The following RNF4 variants were observed in gnomAD, a reference collection of about 807,000 sequenced individuals.
The protein encoded by RNF4 is ring finger protein 4, also known as E3 ubiquitin-protein ligase RNF4.
In RNF4, 7 loss-of-function variants were observed where a neutral mutation model predicts 24.3. The ratio of observed to expected loss-of-function variants is 0.29; its 90% CI spans 0.16 to 0.54. RNF4 has a LOEUF of 0.54. Ranked by LOEUF, RNF4 falls within the 20% of genes least tolerant of loss-of-function variation. The probability of loss-of-function intolerance (pLI) is 0.95; values close to 1 mark genes in which losing one functional copy is unlikely to be tolerated. For synonymous variants in RNF4, 83 were observed against 84.3 expected (o/e 0.98, Z 0.09); for missense variants, 209 against 248.5 (o/e 0.84, Z 1.07).
intron 1 of RNF4, among the ~76,000 whole-genome samples, chr4:2,486,202 T>C (rs959171884): frequency 1.3e-5 from 2 of 152,112 alleles, no homozygotes; most frequent in South Asian, 2.1e-4. Context: ...TGTGGTGATA[T>C]TAATATTTAG....
chr4:2,495,713 T>TA (rs1735716260), intron 2 of RNF4, among the ~76,000 whole-genome samples: 1 of 151,568 alleles, frequency 6.6e-6, no homozygotes, highest in African/African-American at 2.4e-5. Context: ...GCTCACCGCA[T>TA]CCTCCACCTC....
At chr4:2,500,849 A>AAAG in intron 4 of RNF4, 111 bp downstream of exon 4, 1 of 932,560 alleles carries the variant, frequency 1.1e-6, no homozygotes. Context: ...AGCTTATGCT[A>AAAG]AAGAAGTTCA....
At chr4:2,483,691 C>G (rs1224443726) in intron 1 of RNF4, among the ~76,000 whole-genome samples, 2 of 151,956 alleles carry the variant, frequency 1.3e-5, no homozygotes, top group Admixed American at 6.6e-5. Flanking sequence ...GTAATCCCAG[C>G]TAGTTGGGAG....
rs187150160 is a variant in RNF4 at position 2,478,834 on chromosome 4, G to A, written c.-158+9576G>A. On this transcript the variant is annotated intron_variant, in intron 1 of 7. Coordinates refer to ENST00000314289, the MANE Select transcript of RNF4 (RefSeq NM_002938.5). ...GCCCCCAAGCAGAGTCCCTACTGGAGCACCACCTGGTAGAGCTGTGGGAAG... is the reference window on the plus strand; with the variant it reads ...GCCCCCAAGCAGAGTCCCTACTGGAACACCACCTGGTAGAGCTGTGGGAAG... Among the ~76,000 whole-genome samples, 465 of 152,342 alleles carry A rather than the reference G, an allele frequency of 3.1e-3. 1 individual carries two copies. The highest frequency in any genetic ancestry group is 5.3e-3 in the Non-Finnish European group (358 of 68,020).
At chr4:2,475,939 C>CT (rs1280599016) in intron 1 of RNF4, among the ~76,000 whole-genome samples, 5 of 152,208 alleles carry the variant, frequency 3.3e-5, no homozygotes, top group South Asian at 4.2e-4. Context: ...ATGTCATCTG[C>CT]TTTTTTTGTG....
chr4:2,494,107 G>A (rs1406365052), intron 2 of RNF4, among the ~76,000 whole-genome samples: 1 of 152,148 alleles, frequency 6.6e-6, no homozygotes, highest in Non-Finnish European at 1.5e-5. Flanking sequence ...AAATATTAAA[G>A]AGTCCTAAGT....
At chr4:2,481,237 C>G (rs1735235136) in intron 1 of RNF4, 1 of 152,192 alleles carries the variant, frequency 6.6e-6, no homozygotes, top group Non-Finnish European at 1.5e-5. Context: ...ACTTGTATTT[C>G]TTAACCATTT....
At chr4:2,496,135 A>G (rs1735729393) in intron 2 of RNF4, among the ~76,000 whole-genome samples, 1 of 152,194 alleles carries the variant, frequency 6.6e-6, no homozygotes, top group African/African-American at 2.4e-5. Flanking sequence ...GAACAGGCTT[A>G]AAACAGCTTT....
At chr4:2,484,496 TC>T (rs1735349220) in intron 1 of RNF4, among the ~76,000 whole-genome samples, 1 of 152,050 alleles carries the variant, frequency 6.6e-6, no homozygotes, top group African/African-American at 2.4e-5. Context: ...TTACAGTGTT[TC>T]ATTTAGAATT....
rs752560320 is a variant in RNF4 at position 2,489,340 on chromosome 4, G to A, written c.-157-997G>A. ...GTAATGGTGCACAGGAGGATGACACGGCACAGCACTGGGGATGCACAGAAG... is the reference window on the plus strand; with the variant it reads ...GTAATGGTGCACAGGAGGATGACACAGCACAGCACTGGGGATGCACAGAAG... On this transcript the variant is annotated intron_variant, in intron 1 of 7. Transcript: ENST00000314289. Among the ~76,000 whole-genome samples the A allele has an allele frequency of 3.9e-5, 6 of 152,168 alleles. No individual in the cohort carries two copies. In the East Asian group the frequency reaches 5.8e-4, roughly 15 times the overall value.
At chr4:2,508,511 A>G (rs1394241324) in intron 4 of RNF4, among the ~76,000 whole-genome samples, 1 of 152,204 alleles carries the variant, frequency 6.6e-6, no homozygotes, top group African/African-American at 2.4e-5. Flanking sequence ...ACCAGTAATC[A>G]ATACTGTATT....
At chr4:2,472,626 C>T (rs1190865842) in intron 1 of RNF4, among the ~76,000 whole-genome samples, 2 of 149,888 alleles carry the variant, frequency 1.3e-5, no homozygotes, top group Admixed American at 1.3e-4. Context: ...AAAAGGGCGG[C>T]AGGGGGAAAG....
rs1360825412 is a variant in RNF4, at chr4:2,513,816, A to G, written c.570A>G (p.Ile190Met). ...INHKRYHPIY[I>M] is the part of the protein sequence containing the mutation. ...ACAAACGGTACCACCCCATTTATATATGAAGTATTCAGAGCCCCCCAGGAG... is the reference window on the plus strand; with the variant it reads ...ACAAACGGTACCACCCCATTTATATGTGAAGTATTCAGAGCCCCCCAGGAG... Residue 190 changes from isoleucine (I) to methionine (M), a missense_variant, in exon 8 of 8, where the codon ATA becomes ATG. By Grantham distance (10) the Ile-to-Met change is conservative (BLOSUM62 1). Transcript: ENST00000314289. 2 of 1,613,836 alleles carry G rather than the reference A, an allele frequency of 1.2e-6. No individual in the cohort carries two copies. Among genetic ancestry groups the G allele is most frequent in the African/African-American group, 1.3e-5 (1 of 74,924 alleles).
chr4:2,484,229 GCTT>G (rs1231164418), intron 1 of RNF4, among the ~76,000 whole-genome samples: 2 of 151,918 alleles, frequency 1.3e-5, no homozygotes, highest in East Asian at 1.9e-4. Context: ...AAACAGAAGA[GCTT>G]CTCGTTAGAG....
chr4:2,471,778 C>A (rs1734916460), intron 1 of RNF4, among the ~76,000 whole-genome samples: 1 of 152,148 alleles, frequency 6.6e-6, no homozygotes, highest in Admixed American at 6.6e-5. Context: ...AAAGCCTAAT[C>A]CGGAGCAAGG....
At chr4:2,473,163 C>G (rs569035481) in intron 1 of RNF4, among the ~76,000 whole-genome samples, 4 of 151,970 alleles carry the variant, frequency 2.6e-5, no homozygotes, top group African/African-American at 9.7e-5. Context: ...AGGCAGATCA[C>G]CTGAGGTCAG....
chr4:2,491,237 TTTTG>T (rs1441369242), intron 2 of RNF4, among the ~76,000 whole-genome samples: 6 of 152,192 alleles, frequency 3.9e-5, no homozygotes, highest in East Asian at 1.9e-4. Context: ...TGTTTAGCGC[TTTTG>T]TTTGTTTGTT....
intron 1 of RNF4, among the ~76,000 whole-genome samples, chr4:2,485,261 G>A (rs533601548): frequency 6.6e-6 from 1 of 152,292 alleles, no homozygotes; most frequent in East Asian, 1.9e-4. Flanking sequence ...CAGTTCCCCA[G>A]CCTGTGCATT....
rs565984163 is a variant in RNF4 at position 2,488,660 on chromosome 4, C to G, written c.-157-1677C>G. ...TCCAGTGTGCCTGCACTGTTCCAAA[C>G]ACTCTCTTGTAATAACTTCTGGAAT... is the stretch of plus-strand genomic sequence containing the variant. On this transcript the variant is annotated intron_variant, in intron 1 of 7. Transcript: ENST00000314289. Among the ~76,000 whole-genome samples the G allele has an allele frequency of 5.3e-5, 8 of 152,256 alleles. No homozygotes were observed. The South Asian group carries it at 1.4e-3, about 28-fold the overall frequency.
Sources: allele counts gnomAD v4.1 joint callset (sites outside exome capture counted in the v4.1 genomes callset), GRCh38; gene constraint gnomAD v4.1.1; transcripts MANE v1.5; gene names NCBI Gene and HGNC (gene_info 2026-07-23, HGNC 2026-07-21).